SLC8A1: variants seen among roughly 807,000 people sequenced by gnomAD.
SLC8A1 encodes the protein solute carrier family 8 member A1.
A neutral mutation model predicts 68.3 loss-of-function variants in SLC8A1; 18 were observed. That is an observed-to-expected ratio of 0.26 (90% CI 0.18 to 0.39). The LOEUF (loss-of-function observed/expected upper bound fraction) is 0.39. Ranked by LOEUF, SLC8A1 falls within the 10% of genes least tolerant of loss-of-function variation. The pLI is 1.00. For synonymous variants in SLC8A1, 475 were observed against 415.5 expected (o/e 1.14, Z -1.74); for missense variants, 985 against 1,156.7 (o/e 0.85, Z 2.15).
At chr2:40,169,694 A>C (rs1368526852) in intron 4 of SLC8A1, among the ~76,000 whole-genome samples, 1 of 152,176 alleles carries the variant, frequency 6.6e-6, no homozygotes, top group Non-Finnish European at 1.5e-5. Context: ...TAATCCTAAC[A>C]CTTGGTGAGG....
At chr2:40,238,026 T>C (rs368272502) in intron 2 of SLC8A1, among the ~76,000 whole-genome samples, 1 of 152,192 alleles carries the variant, frequency 6.6e-6, no homozygotes, top group African/African-American at 2.4e-5. Context: ...GACAGGGACA[T>C]TTAAGTCTGC....
chr2:40,194,578 G>A (rs2052591698), intron 2 of SLC8A1, among the ~76,000 whole-genome samples: 1 of 151,796 alleles, frequency 6.6e-6, no homozygotes, highest in Non-Finnish European at 1.5e-5. Context: ...AATGTCTTGA[G>A]TTTTATGATA....
chr2:40,252,819 T>TA (rs1558963383), intron 2 of SLC8A1, among the ~76,000 whole-genome samples: 1 of 112,846 alleles, frequency 8.9e-6, no homozygotes, highest in African/African-American at 3.9e-5. Context: ...CATATACATA[T>TA]ATATGTATAT....
At chr2:40,439,351 CA>C (rs1158789991) in intron 1 of SLC8A1, among the ~76,000 whole-genome samples, 1 of 152,084 alleles carries the variant, frequency 6.6e-6, no homozygotes, top group Non-Finnish European at 1.5e-5. Flanking sequence ...AGGTAGAAAA[CA>C]TGCAGAAACA....
chr2:40,372,826 A>C (rs1474157852), intron 2 of SLC8A1, among the ~76,000 whole-genome samples: 2 of 152,098 alleles, frequency 1.3e-5, no homozygotes, highest in Non-Finnish European at 2.9e-5. Flanking sequence ...CCAGTGTAAC[A>C]GTGGAAAGTC....
intron 7 of SLC8A1, among the ~76,000 whole-genome samples, chr2:40,120,213 C>T (rs1179914769): frequency 1.3e-5 from 2 of 152,176 alleles, no homozygotes; most frequent in Non-Finnish European, 2.9e-5. Flanking sequence ...TCTTAGTGTT[C>T]TTTGGGGACC....
intron 6 of SLC8A1, among the ~76,000 whole-genome samples, chr2:40,147,627 T>C (rs891687570): frequency 6.6e-5 from 10 of 152,168 alleles, no homozygotes; most frequent in Admixed American, 5.9e-4. Flanking sequence ...TAGCCTCCTG[T>C]AGTGTGGGAA....
chr2:40,432,021 G>C (rs1196077328), intron 1 of SLC8A1, among the ~76,000 whole-genome samples: 3 of 152,106 alleles, frequency 2.0e-5, no homozygotes, highest in Admixed American at 1.3e-4. Context: ...CTGAAAAATA[G>C]AGGTAGCATA....
chr2:40,415,457 G>A (rs1368126583), intron 2 of SLC8A1, among the ~76,000 whole-genome samples: 3 of 151,556 alleles, frequency 2.0e-5, no homozygotes, highest in Non-Finnish European at 2.9e-5. Flanking sequence ...TGCCAATGTG[G>A]TTTGACTAGC....
intron 1 of SLC8A1, among the ~76,000 whole-genome samples, chr2:40,473,513 C>G (rs148762190): frequency 6.6e-6 from 1 of 152,076 alleles, no homozygotes; most frequent in Non-Finnish European, 1.5e-5. Context: ...GCTTTTTCCC[C>G]AAATAATATG....
intron 2 of SLC8A1, among the ~76,000 whole-genome samples, chr2:40,365,373 T>A (rs1375261501): frequency 3.3e-5 from 5 of 152,130 alleles, no homozygotes; most frequent in South Asian, 4.1e-4. Flanking sequence ...AACATCTAAA[T>A]AACCTGTAGA....
intron 1 of SLC8A1, among the ~76,000 whole-genome samples, chr2:40,468,845 G>A (rs1347488058): frequency 2.0e-5 from 3 of 152,060 alleles, no homozygotes; most frequent in Non-Finnish European, 4.4e-5. Context: ...GGAGGCTGAG[G>A]TGGGAGGGTT....
intron 2 of SLC8A1, among the ~76,000 whole-genome samples, chr2:40,333,892 T>C (rs1313252027): frequency 6.6e-6 from 1 of 151,998 alleles, no homozygotes; most frequent in Non-Finnish European, 1.5e-5. Context: ...GTACTAAAAA[T>C]ACAAAATTAG....
intron 2 of SLC8A1, chr2:40,254,520 C>G (rs2063561480): frequency 8.4e-6 from 1 of 118,382 alleles, no homozygotes; most frequent in South Asian, 2.4e-4. Flanking sequence ...AAACATGAAG[C>G]TAAATGCAGT....
chr2:40,466,275 A>G (rs1703665941), intron 1 of SLC8A1, among the ~76,000 whole-genome samples: 1 of 152,194 alleles, frequency 6.6e-6, no homozygotes. Flanking sequence ...TTGACATTTA[A>G]CAATAAATAG....
intron 7 of SLC8A1, among the ~76,000 whole-genome samples, chr2:40,116,223 A>G (rs1290137645): frequency 1.3e-5 from 2 of 152,248 alleles, no homozygotes; most frequent in Admixed American, 1.3e-4. Flanking sequence ...TTGAACTATA[A>G]TAGAGTAGCT....
chr2:40,159,948 T>G (rs1291750550), intron 6 of SLC8A1, among the ~76,000 whole-genome samples: 1 of 152,160 alleles, frequency 6.6e-6, no homozygotes, highest in Non-Finnish European at 1.5e-5. Flanking sequence ...TCACTACGTA[T>G]TTAGGAAACT....
intron 2 of SLC8A1, among the ~76,000 whole-genome samples, chr2:40,232,866 G>C (rs1281564646): frequency 1.2e-4 from 18 of 144,444 alleles, no homozygotes; most frequent in East Asian, 9.9e-4. Context: ...TTTTGTTCTT[G>C]CGATAGTTTA....
chr2:40,186,912 TTAAA>T (rs2050801221), intron 2 of SLC8A1, among the ~76,000 whole-genome samples: 2 of 152,364 alleles, frequency 1.3e-5, no homozygotes, highest in East Asian at 3.9e-4. Flanking sequence ...ATTGCAAAGA[TTAAA>T]TAATATATTG....
Sources: allele counts gnomAD v4.1 joint callset (sites outside exome capture counted in the v4.1 genomes callset), GRCh38; gene constraint gnomAD v4.1.1; transcripts MANE v1.5; gene names NCBI Gene and HGNC (gene_info 2026-07-23, HGNC 2026-07-21).